FOXP2: variants seen among roughly 807,000 people sequenced by gnomAD.
FOXP2 encodes forkhead box P2.
FOXP2 carries 12 observed loss-of-function variants against 115.8 expected under a neutral mutation model. The ratio of observed to expected loss-of-function variants is 0.10; its 90% CI spans 0.07 to 0.17. The LOEUF is 0.17. FOXP2 is among the 10% of genes least tolerant of loss of function. The pLI is 1.00. For synonymous variants in FOXP2, 328 were observed against 297.7 expected (o/e 1.10, Z -1.05); for missense variants, 629 against 843.5 (o/e 0.75, Z 3.15).
chr7:114,235,390 GT>G (rs1194545770), intron 1 of FOXP2, among the ~76,000 whole-genome samples: 2 of 151,046 alleles, frequency 1.3e-5, no homozygotes, highest in Non-Finnish European at 1.5e-5. Context: ...CAGCACCTAT[GT>G]TTTTTATCAC....
chr7:114,432,197 G>A lies in FOXP2; in HGVS notation c.168+5518G>A, dbSNP rs890515940. On this transcript the variant is annotated intron_variant, in intron 2 of 16. Coordinates refer to ENST00000350908, the MANE Select transcript of FOXP2 (RefSeq NM_014491.4). ...AGTTAGGAAGATACATTGTTCAGTT[G>A]GAAGCAGCTTGCCAAGTTCTTCATT... Among the ~76,000 whole-genome samples the A allele has an allele frequency of 2.0e-5, 3 of 151,904 alleles. No homozygotes were observed. The East Asian group carries it at 5.8e-4, about 29-fold the overall frequency.
intron 3 of FOXP2, among the ~76,000 whole-genome samples, chr7:114,597,056 A>G (rs1370750123): frequency 6.6e-6 from 1 of 152,104 alleles, no homozygotes; most frequent in African/African-American, 2.4e-5. Flanking sequence ...AGTGTGTAAG[A>G]AAAAATTGGG....
At chr7:114,359,487 C>T (rs73432272) in intron 2 of FOXP2, among the ~76,000 whole-genome samples, 237 of 152,300 alleles carry the variant, frequency 1.6e-3, no homozygotes, top group African/African-American at 5.2e-3. Flanking sequence ...ATTGTAGATC[C>T]ACTGACAGCT....
intron 1 of FOXP2, among the ~76,000 whole-genome samples, chr7:114,252,948 C>A (rs141838285): frequency 1.3e-5 from 2 of 152,150 alleles, no homozygotes; most frequent in African/African-American, 2.4e-5. Context: ...AAATTTCCCT[C>A]TACACACTGC....
At chr7:114,605,953 A>G (rs1803296921) in intron 3 of FOXP2, among the ~76,000 whole-genome samples, 1 of 152,202 alleles carries the variant, frequency 6.6e-6, no homozygotes, top group South Asian at 2.1e-4. Flanking sequence ...GATGCAAGAC[A>G]TTAGAAGCCT....
intron 1 of FOXP2, among the ~76,000 whole-genome samples, chr7:114,164,582 C>T (rs1370215958): frequency 5.9e-5 from 9 of 151,888 alleles, no homozygotes; most frequent in African/African-American, 2.2e-4. Context: ...CCTTGTGATC[C>T]GCCCGCCTCA....
At position 114,561,974 on chromosome 7, in the gene FOXP2, C is replaced by T. The variant is rs116525375; in HGVS notation, c.258+27268C>T. Among the ~76,000 whole-genome samples the T allele has an allele frequency of 6.7e-3, 1,013 of 152,126 alleles. 10 individuals are homozygous for T. The highest frequency in any genetic ancestry group is 0.023 in the African/African-American group (959 of 41,486). On this transcript the variant is annotated intron_variant, in intron 3 of 16. Transcript: ENST00000350908. ...CTAACTTGGACCGGTTCTTTAAAAT[C>T]ACTTTGAATTGGTGGACCTAAGGAA...
intron 2 of FOXP2, among the ~76,000 whole-genome samples, chr7:114,317,487 A>G (rs184213881): frequency 3.3e-4 from 51 of 152,302 alleles, no homozygotes; most frequent in African/African-American, 1.2e-3. Context: ...TGGAAGCTGC[A>G]CTAAAATATA....
intron 2 of FOXP2, among the ~76,000 whole-genome samples, chr7:114,531,827 T>C (rs1799158119): frequency 6.6e-6 from 1 of 152,008 alleles, no homozygotes; most frequent in Non-Finnish European, 1.5e-5. Flanking sequence ...AGTGTAGGTG[T>C]ATGCTTTTGA....
chr7:114,232,612 G>T (rs1002187995), intron 1 of FOXP2, among the ~76,000 whole-genome samples: 2 of 151,972 alleles, frequency 1.3e-5, no homozygotes, highest in African/African-American at 4.8e-5. Flanking sequence ...TCAGGAGTTC[G>T]AGACCAGCCT....
intron 1 of FOXP2, among the ~76,000 whole-genome samples, chr7:114,107,312 C>T (rs577930870): frequency 7.9e-5 from 12 of 151,998 alleles, no homozygotes; most frequent in African/African-American, 2.7e-4. Flanking sequence ...GTCTAATGGT[C>T]GAGACCATTT....
At chr7:114,489,476 G>A (rs1796934692) in intron 2 of FOXP2, among the ~76,000 whole-genome samples, 1 of 151,914 alleles carries the variant, frequency 6.6e-6, no homozygotes, top group Non-Finnish European at 1.5e-5. Flanking sequence ...AATTACATAA[G>A]TTGTCTCTAG....
At chr7:114,361,387 G>A (rs1791741543) in intron 2 of FOXP2, among the ~76,000 whole-genome samples, 1 of 152,018 alleles carries the variant, frequency 6.6e-6, no homozygotes, top group South Asian at 2.1e-4. Context: ...AGAGGATGTT[G>A]GGAGGTAGTT....
chr7:114,353,670 C>T (rs971819101), intron 2 of FOXP2, among the ~76,000 whole-genome samples: 23 of 152,228 alleles, frequency 1.5e-4, no homozygotes, highest in African/African-American at 5.5e-4. Context: ...ACACTTCCTT[C>T]TAAAGAGGTA....
At chr7:114,313,257 A>G (rs529667347) in intron 2 of FOXP2, among the ~76,000 whole-genome samples, 1 of 152,328 alleles carries the variant, frequency 6.6e-6, no homozygotes, top group Non-Finnish European at 1.5e-5. Flanking sequence ...CTCTTCTGTG[A>G]TGAATTATTT....
chr7:114,692,104 G>A lies in FOXP2; in HGVS notation c.*2178G>A, dbSNP rs1808700324. The stretch of plus-strand genomic sequence containing the variant: ...TAAAAGAAAGATGGGTATGGTGAAA[G>A]ATGGTTTTCAGTCATCTAGGATCCT... On this transcript the variant is annotated 3_prime_UTR_variant, in exon 17 of 17. Coordinates refer to ENST00000350908, the MANE Select transcript of FOXP2 (RefSeq NM_014491.4). The A allele has an allele frequency of 2.2e-6, 1 of 453,840 alleles. No individual in the cohort carries two copies. The highest frequency in any genetic ancestry group is 1.6e-5 in the South Asian group (1 of 64,468). 28.1% of individuals were successfully genotyped at this position (453,840 alleles called of 1,614,324 possible). A position where few individuals can be genotyped will look rare whatever the true frequency, so the allele number is the denominator to read the frequency against.
At chr7:114,613,688 A>AGG (rs1299683022) in intron 3 of FOXP2, 1 of 147,772 alleles carries the variant, frequency 6.8e-6, no homozygotes, top group African/African-American at 2.6e-5. Context: ...AAAAAAAAAA[A>AGG]TGTATATATA....
In FOXP2 at chr7:114,370,165, T is replaced by C. The variant is rs184984810; in HGVS notation, c.-10-56337T>C. ...TTCTATGTCAGTCTCAGATGGTTTT[T>C]TCCCCCTTACTTTCAACTTTTCTTT... On this transcript the variant is annotated intron_variant, in intron 2 of 17. Coordinates refer to the FOXP2 transcript ENST00000634411. Among the ~76,000 whole-genome samples the C allele has an allele frequency of 3.4e-3, 524 of 152,352 alleles. 1 individual carries two copies. The highest frequency in any genetic ancestry group is 0.012 in the South Asian group (56 of 4,826).
rs893492688 is a variant in FOXP2, at chr7:114,454,988, G to T, written c.168+28309G>T. Among the ~76,000 whole-genome samples, 7 of 149,046 alleles carry T rather than the reference G, an allele frequency of 4.7e-5. No homozygotes were observed. In the East Asian group the frequency reaches 9.9e-4, roughly 21 times the overall value. ...TACATATGTAACTAACCTGCACAATGTGCACATGTACCCTAAAACTTAAAG... is the reference window on the plus strand; with the variant it reads ...TACATATGTAACTAACCTGCACAATTTGCACATGTACCCTAAAACTTAAAG... On this transcript the variant is annotated intron_variant, in intron 2 of 16. Coordinates refer to ENST00000350908, the MANE Select transcript of FOXP2 (RefSeq NM_014491.4).
Sources: allele counts gnomAD v4.1 joint callset (sites outside exome capture counted in the v4.1 genomes callset), GRCh38; gene constraint gnomAD v4.1.1; transcripts MANE v1.5; gene names NCBI Gene and HGNC (gene_info 2026-07-23, HGNC 2026-07-21).